KLF12: variants seen among roughly 807,000 people sequenced by gnomAD.
KLF12 encodes the protein KLF transcription factor 12.
A neutral mutation model predicts 37.8 loss-of-function variants in KLF12; 9 were observed. The observed-to-expected ratio is 0.24, with a 90% CI of 0.14 to 0.42. The LOEUF (loss-of-function observed/expected upper bound fraction) is 0.42. KLF12 is among the 10% of genes least tolerant of loss of function. KLF12 has a pLI of 1.00. For missense variants in KLF12, 411 were observed against 516.0 expected, an observed-to-expected ratio of 0.80 and a Z score of 1.97; for synonymous variants, 208 against 202.1, an observed-to-expected ratio of 1.03 and a Z score of -0.25.
the KLF12 span, among the ~76,000 whole-genome samples, chr13:74,256,688 T>TGTG: frequency 2.7e-5 from 4 of 147,906 alleles, no homozygotes; most frequent in African/African-American, 7.4e-5. Flanking sequence ...TGAGTAGAGC[T>TGTG]TGTGTGTGTG....
intron 1 of KLF12, among the ~76,000 whole-genome samples, chr13:74,006,754 T>C (rs1329768432): frequency 2.6e-5 from 4 of 152,150 alleles, no homozygotes; most frequent in East Asian, 1.9e-4. Context: ...TTTTCTACCA[T>C]TGTATAACAA....
At chr13:73,814,549 C>T (rs927281043) in intron 4 of KLF12, among the ~76,000 whole-genome samples, 3 of 152,252 alleles carry the variant, frequency 2.0e-5, no homozygotes, top group African/African-American at 4.8e-5. Context: ...TAGTGAACCT[C>T]GTGTGCACCC....
At chr13:74,247,542 C>T in the KLF12 span, among the ~76,000 whole-genome samples, 1 of 152,204 alleles carries the variant, frequency 6.6e-6, no homozygotes, top group South Asian at 2.1e-4. Context: ...TACCTCATAG[C>T]ACTTTCTCTT....
chr13:74,251,289 T>A, the KLF12 span, among the ~76,000 whole-genome samples: 2 of 152,034 alleles, frequency 1.3e-5, no homozygotes, highest in African/African-American at 4.8e-5. Context: ...GTAGCTGGGA[T>A]TACAAGCATG....
At chr13:74,135,532 C>CGCGGGGTCAGCGCCGAGCCGGAGGGTCG (rs1878518997), upstream of KLF12, among the ~76,000 whole-genome samples, 1 of 151,322 alleles carries the variant, frequency 6.6e-6, no homozygotes, top group African/African-American at 2.4e-5. Flanking sequence ...GCTCGGAGGG[C>CGCGGGGTCAGCGCCGAGCCGGAGGGTCG]GCGGGGTCAG....
At chr13:73,766,465 T>C (rs1326024391) in intron 5 of KLF12, among the ~76,000 whole-genome samples, 3 of 152,206 alleles carry the variant, frequency 2.0e-5, no homozygotes, top group Non-Finnish European at 4.4e-5. Flanking sequence ...TCTTTTATTC[T>C]TTTACTTTTT....
intron 5 of KLF12, among the ~76,000 whole-genome samples, chr13:73,776,983 G>C (rs1299948150): frequency 6.6e-6 from 1 of 152,132 alleles, no homozygotes; most frequent in African/African-American, 2.4e-5. Flanking sequence ...AATAGTCTCA[G>C]AAAGGTTAAA....
At position 73,695,393 on chromosome 13, in the gene KLF12, C is replaced by A. The variant is rs1185879852; in HGVS notation, c.*97G>T. ...TTTCAGACATCGTGGGATGGTGATGCCCTTTTGTGTTAACACTGTGAAGGG... is the reference window on the plus strand; with the variant it reads ...TTTCAGACATCGTGGGATGGTGATGACCTTTTGTGTTAACACTGTGAAGGG... On this transcript the variant is annotated 3_prime_UTR_variant, in exon 8 of 8. Transcript: ENST00000377669. 8.5e-7 allele frequency: 1 copy of A among 1,172,476 alleles called. No homozygotes were observed. The highest frequency in any genetic ancestry group is 2.4e-5 in the East Asian group (1 of 41,866). 72.6% of individuals were successfully genotyped at this position (1,172,476 alleles called of 1,614,324 possible).
At chr13:73,729,939 TACG>T (rs1208755956) in intron 6 of KLF12, among the ~76,000 whole-genome samples, 3 of 152,168 alleles carry the variant, frequency 2.0e-5, no homozygotes, top group Admixed American at 1.3e-4. Flanking sequence ...TGCTCAAATC[TACG>T]ACATGTGGAA....
intron 1 of KLF12, among the ~76,000 whole-genome samples, chr13:74,085,021 A>G (rs1274237063): frequency 2.6e-5 from 4 of 152,216 alleles, no homozygotes; most frequent in South Asian, 2.1e-4. Flanking sequence ...CTACAGGTCT[A>G]TATCATGATC....
chr13:73,815,795 C>A (rs1169819470), intron 4 of KLF12, among the ~76,000 whole-genome samples: 1 of 152,154 alleles, frequency 6.6e-6, no homozygotes, highest in Non-Finnish European at 1.5e-5. Context: ...GTAAGTAATA[C>A]AACTCAAGGA....
chr13:73,710,032 T>G (rs934645781), intron 7 of KLF12, among the ~76,000 whole-genome samples: 1 of 152,130 alleles, frequency 6.6e-6, no homozygotes, highest in Admixed American at 6.5e-5. Flanking sequence ...AAAATGAATA[T>G]AGAATAATTA....
At chr13:73,946,585 G>GA (rs1890434264) in intron 2 of KLF12, among the ~76,000 whole-genome samples, 1 of 151,918 alleles carries the variant, frequency 6.6e-6, no homozygotes, top group Non-Finnish European at 1.5e-5. Context: ...ACGTACAAGT[G>GA]AAAAAAATAA....
At chr13:73,905,307 C>CATTTCAAAATGCTATTATT (rs1888224326) in intron 3 of KLF12, among the ~76,000 whole-genome samples, 1 of 152,026 alleles carries the variant, frequency 6.6e-6, no homozygotes, top group African/African-American at 2.4e-5. Context: ...TTTAATCTTT[C>CATTTCAAAATGCTATTATT]CTGCCAAGCT....
chr13:74,305,854 C>G, the KLF12 span, among the ~76,000 whole-genome samples: 3 of 152,160 alleles, frequency 2.0e-5, no homozygotes, highest in African/African-American at 7.2e-5. Context: ...TACCAGCTGT[C>G]TCTACAATTC....
intron 1 of KLF12, 38 bp from the exon 2 acceptor site, chr13:73,995,091 T>C: frequency 7.2e-7 from 1 of 1,393,106 alleles, no homozygotes; most frequent in Non-Finnish European, 1.0e-6. Context: ...TGAGAGAAAG[T>C]TCTACAACTT....
rs1189718037 is a variant in KLF12 at position 73,693,170 on chromosome 13, G to A, written c.*2320C>T. On this transcript the variant is annotated 3_prime_UTR_variant, in exon 8 of 8. Transcript: ENST00000377669. ...ACTTGCCAACTAGGTGCTGGTACTAGTGCCAGGGGGTTCATGGCTGTGTTT... is the reference window on the plus strand; with the variant it reads ...ACTTGCCAACTAGGTGCTGGTACTAATGCCAGGGGGTTCATGGCTGTGTTT... The A allele has an allele frequency of 6.6e-6, 1 of 152,216 alleles. No homozygotes were observed. The highest frequency in any genetic ancestry group is 1.5e-5 in the Non-Finnish European group (1 of 68,058). The allele number at this position is 152,216 out of a possible 1,614,324, so 9.4% of individuals were successfully genotyped here. A position where few individuals can be genotyped will look rare whatever the true frequency, so the allele number is the denominator to read the frequency against.
At chr13:74,299,915 G>A in the KLF12 span, among the ~76,000 whole-genome samples, 1 of 152,146 alleles carries the variant, frequency 6.6e-6, no homozygotes, top group Non-Finnish European at 1.5e-5. Context: ...ATAAGAAAGA[G>A]GAAGAGGAGA....
the KLF12 span, among the ~76,000 whole-genome samples, chr13:74,205,587 G>T: frequency 6.6e-6 from 1 of 152,164 alleles, no homozygotes. Flanking sequence ...GACACGTAAA[G>T]CTTTGGTAGC....
Sources: gnomAD v4.1 joint callset for allele counts (sites outside exome capture counted in the v4.1 genomes callset) on GRCh38, gnomAD v4.1.1 for gene constraint, MANE v1.5 for transcripts, NCBI Gene and HGNC (gene_info 2026-07-23, HGNC 2026-07-21) for gene names.